Variants in ACTR3B observed in about 807,000 individuals in gnomAD.
ACTR3B encodes the protein actin-related protein 3B.
In ACTR3B, 8 loss-of-function variants were observed where a neutral mutation model predicts 59.0. That is an observed-to-expected ratio of 0.14 (90% CI 0.08 to 0.24). The LOEUF is 0.24. Ranked by LOEUF, ACTR3B falls within the 10% of genes least tolerant of loss-of-function variation. ACTR3B has a pLI of 1.00. For missense variants in ACTR3B, 245 were observed against 552.3 expected (o/e 0.44, Z 5.58); for synonymous variants, 148 against 197.9 (o/e 0.75, Z 2.12).
chr7:152,846,796 A>T (rs142136171), intron 9 of ACTR3B, among the ~76,000 whole-genome samples: 1,623 of 132,224 alleles, frequency 0.012, 20 homozygotes, highest in Middle Eastern at 0.056. Context: ...AGTGAGCTCT[A>T]GTGCCTGGGC....
At chr7:152,822,411 T>C (rs1321523359) in intron 7 of ACTR3B, among the ~76,000 whole-genome samples, 1 of 152,120 alleles carries the variant, frequency 6.6e-6, no homozygotes, top group African/African-American at 2.4e-5. Flanking sequence ...AACACAAAGG[T>C]GTCCAAGAAC....
intron 1 of ACTR3B, among the ~76,000 whole-genome samples, chr7:152,770,327 A>G (rs1431706300): frequency 6.6e-6 from 1 of 152,238 alleles, no homozygotes; most frequent in Admixed American, 6.5e-5. Context: ...GTGTCTAAGC[A>G]TAGGTTTCTG....
At chr7:152,788,708 G>A (rs1417852784) in intron 2 of ACTR3B, among the ~76,000 whole-genome samples, 1 of 152,050 alleles carries the variant, frequency 6.6e-6, no homozygotes, top group Non-Finnish European at 1.5e-5. Flanking sequence ...ACTGCGCCTG[G>A]CCTTAAAGTA....
chr7:152,844,743 A>G (rs974638294), intron 9 of ACTR3B, among the ~76,000 whole-genome samples: 2 of 148,482 alleles, frequency 1.3e-5, no homozygotes, highest in Non-Finnish European at 3.0e-5. Context: ...ACAGTGGTAA[A>G]AATTATTACA....
chr7:152,820,569 A>T, intron 7 of ACTR3B, 127 bp downstream of exon 7: 2 of 1,456,654 alleles, frequency 1.4e-6, no homozygotes, highest in Non-Finnish European at 1.8e-6. Flanking sequence ...GTGGGGCTTG[A>T]TTTGTTTTAC....
rs1474558700 is a variant in ACTR3B at position 152,775,215 on chromosome 7, AAG to A, written c.45-7970_45-7969del. 7.9e-3 allele frequency among the ~76,000 whole-genome samples: 1,180 copies of A among 149,924 alleles called. 27 individuals carry two copies. The highest frequency in any genetic ancestry group is 0.028 in the African/African-American group (1,116 of 39,864). On this transcript the variant is annotated intron_variant, in intron 1 of 11. Transcript: ENST00000256001. ...CAAAAAAAAAAAAAAAAAAAAAAAA[AAG>A]ATGTAAAACACTGTTTTAAGATGTA... is the stretch of plus-strand genomic sequence containing the variant.
rs199838447 is a variant in ACTR3B, at chr7:152,823,467, C to G, written c.810C>G (p.Asp270Glu). 2 of 1,614,152 alleles carry G rather than the reference C, an allele frequency of 1.2e-6. No homozygotes were observed. Among genetic ancestry groups the G allele is most frequent in the Non-Finnish European group, 1.7e-6 (2 of 1,180,030 alleles). The change falls in exon 8 of 12, where the codon GAC (aspartate) becomes GAG (glutamate). Residue 270 changes from aspartate to glutamate, a missense_variant. Coordinates refer to ENST00000256001, the MANE Select transcript of ACTR3B (RefSeq NM_020445.6). Reference protein sequence around the residue: ...NAINQKKFVIDVGYERFLGPE... With the variant: ...NAINQKKFVIEVGYERFLGPE... The stretch of plus-strand genomic sequence containing the variant: ...TCAACCAGAAGAAGTTTGTTATAGA[C>G]GTTGGTTACGAAAGATTCCTGGGAC...
intron 9 of ACTR3B, among the ~76,000 whole-genome samples, chr7:152,838,783 G>A (rs1477804241): frequency 6.6e-6 from 1 of 152,226 alleles, no homozygotes; most frequent in South Asian, 2.1e-4. Context: ...GAGATGGCAA[G>A]TCATTTGACG....
Position 152,854,449 on chromosome 7 carries a change from C to A in ACTR3B, c.1162-9C>A, listed in dbSNP as rs779646402. 5 of 1,613,512 alleles carry A rather than the reference C, an allele frequency of 3.1e-6. No homozygotes were observed. Among genetic ancestry groups the A allele is most frequent in the Non-Finnish European group, 4.2e-6 (5 of 1,179,614 alleles). On this transcript the variant is annotated splice_polypyrimidine_tract_variant and intron_variant, in intron 11 of 11. Transcript: ENST00000256001. The surrounding 1 kb of genome is among the most constrained non-coding windows in gnomAD (Gnocchi z 4.9). ...GAGTGTCTTTCTGTCTGCCTGTTGCCTCTCGTAGCCCGAGTTCTTTCAGGT... is the reference window on the plus strand; with the variant it reads ...GAGTGTCTTTCTGTCTGCCTGTTGCATCTCGTAGCCCGAGTTCTTTCAGGT...
intron 9 of ACTR3B, among the ~76,000 whole-genome samples, chr7:152,834,110 A>G (rs548130235): frequency 1.3e-4 from 20 of 151,322 alleles, no homozygotes; most frequent in African/African-American, 4.4e-4. Context: ...TTGTAAAAAA[A>G]CACTTTTACA....
intron 9 of ACTR3B, among the ~76,000 whole-genome samples, chr7:152,831,229 C>T (rs1796999832): frequency 6.6e-6 from 1 of 152,254 alleles, no homozygotes; most frequent in African/African-American, 2.4e-5. Flanking sequence ...CATTAAGACA[C>T]CTGTTGCCGT....
At chr7:152,789,480 A>T (rs1188626065) in intron 2 of ACTR3B, among the ~76,000 whole-genome samples, 3 of 150,908 alleles carry the variant, frequency 2.0e-5, no homozygotes, top group African/African-American at 7.4e-5. Flanking sequence ...CTGTCGTCAA[A>T]ATATTTTAAA....
In ACTR3B at chr7:152,759,846, G is replaced by A; in HGVS notation, c.-37G>A. ...GAGCGGACGGCGACGGGGCGCTCTC[G>A]GGCTGCCGGCGGGGCCGAGCGCCGC... On this transcript the variant is annotated 5_prime_UTR_variant, in exon 1 of 12. Transcript: ENST00000256001. The A allele has an allele frequency of 2.4e-6, 3 of 1,243,120 alleles. No individual in the cohort carries two copies. The highest frequency in any genetic ancestry group is 3.3e-5 in the East Asian group (1 of 30,446). 77.0% of individuals were successfully genotyped at this position (1,243,120 alleles called of 1,614,324 possible).
rs1297205940 is a variant in ACTR3B, at chr7:152,759,785, CGCGGGAGACGCTGCGCGCGGGGCTA to C, written c.-92_-68del. 4.1e-6 allele frequency: 4 copies of C among 985,706 alleles called. No homozygotes were observed. Among genetic ancestry groups the C allele is most frequent in the African/African-American group, 3.4e-5 (2 of 57,976 alleles). The allele number at this position is 985,706 out of a possible 1,614,324, so 61.1% of individuals were successfully genotyped here. On this transcript the variant is annotated 5_prime_UTR_variant, in exon 1 of 12. Transcript: ENST00000256001. Reference sequence around the variant, plus strand: ...TCCCGGCAGCGGCGCTGCGGCGGCTCGCGGGAGACGCTGCGCGCGGGGCTAGCGGGCGGCGGAGCGGACGGCGACG... The same window carrying C: ...TCCCGGCAGCGGCGCTGCGGCGGCTCGCGGGCGGCGGAGCGGACGGCGACG...
At chr7:152,807,535 G>A (rs1016052058) in intron 4 of ACTR3B, among the ~76,000 whole-genome samples, 5 of 152,100 alleles carry the variant, frequency 3.3e-5, no homozygotes, top group Non-Finnish European at 5.9e-5. Flanking sequence ...AAAAGAACTA[G>A]CAGTGTTTGA....
At chr7:152,760,420 G>T (rs1161719614) in intron 1 of ACTR3B, among the ~76,000 whole-genome samples, 1 of 152,204 alleles carries the variant, frequency 6.6e-6, no homozygotes, top group East Asian at 1.9e-4. Context: ...CTGTCCCCGC[G>T]TGTGCGTGTC....
At chr7:152,823,557 G>C (rs1238722002) in intron 8 of ACTR3B, 42 bp downstream of exon 8, 3 of 1,600,326 alleles carry the variant, frequency 1.9e-6, no homozygotes, top group African/African-American at 1.3e-5. Flanking sequence ...GTGGGATGGA[G>C]CGATACTGCC....
chr7:152,836,242 C>T (rs1401765454), intron 9 of ACTR3B, among the ~76,000 whole-genome samples: 9 of 152,172 alleles, frequency 5.9e-5, no homozygotes, highest in Non-Finnish European at 1.2e-4. Flanking sequence ...AAGATAGGCT[C>T]AGTAAATATT....
At chr7:152,766,191 G>A (rs1182272966) in intron 1 of ACTR3B, among the ~76,000 whole-genome samples, 1 of 152,304 alleles carries the variant, frequency 6.6e-6, no homozygotes, top group East Asian at 1.9e-4. Context: ...GATGTGGGGT[G>A]GAGCCTAGAG....
Sources: gnomAD v4.1 joint callset for allele counts (sites outside exome capture counted in the v4.1 genomes callset) on GRCh38, gnomAD v4.1.1 for gene constraint, Gnocchi (gnomAD v3.1) non-coding constraint, MANE v1.5 for transcripts, NCBI Gene and HGNC (gene_info 2026-07-23, HGNC 2026-07-21) for gene names.